The following VGLL3 variants were observed in gnomAD, a reference collection of about 807,000 sequenced individuals.
The protein encoded by VGLL3 is transcription cofactor vestigial-like protein 3.
Under a neutral mutation model 29.2 loss-of-function variants are expected in VGLL3, and 18 were observed. That is an observed-to-expected ratio of 0.62 (90% CI 0.43 to 0.91). VGLL3 has a LOEUF of 0.91. Ranked by LOEUF, VGLL3 falls within the 40% of genes least tolerant of loss-of-function variation. VGLL3 has a pLI of 0.00. For missense variants in VGLL3, 440 were observed against 413.2 expected (o/e 1.06, Z -0.56); for synonymous variants, 180 against 151.8 (o/e 1.19, Z -1.36).
At chr3:86,981,928 A>G (rs1030656999) in intron 1 of VGLL3, among the ~76,000 whole-genome samples, 4 of 152,168 alleles carry the variant, frequency 2.6e-5, no homozygotes, top group Non-Finnish European at 5.9e-5. Context: ...AAGTATCCAA[A>G]TGGCCTGATA....
At chr3:86,962,542 TA>T (rs953307641) in intron 3 of VGLL3, 26 of 980,848 alleles carry the variant, frequency 2.7e-5, no homozygotes, top group African/African-American at 2.1e-4. Context: ...ATTTAAATAC[TA>T]AAAAAAAATT....
At chr3:86,987,387 G>A (rs1705469443) in intron 1 of VGLL3, among the ~76,000 whole-genome samples, 1 of 152,182 alleles carries the variant, frequency 6.6e-6, no homozygotes, top group South Asian at 2.1e-4. Flanking sequence ...TCATCCAGCT[G>A]TTACCCTGGA....
In VGLL3 at chr3:86,946,816, G is replaced by T; in HGVS notation, c.*208C>A. 1 of 510,870 alleles carries T rather than the reference G, an allele frequency of 2.0e-6. No individual in the cohort carries two copies. The highest frequency in any genetic ancestry group is 3.3e-4 in the Middle Eastern group (1 of 3,030). 31.6% of individuals were successfully genotyped at this position (510,870 alleles called of 1,614,324 possible). A position where few individuals can be genotyped will look rare whatever the true frequency, so the allele number is the denominator to read the frequency against. On this transcript the variant is annotated 3_prime_UTR_variant, in exon 4 of 4. Coordinates refer to ENST00000398399, the MANE Select transcript of VGLL3 (RefSeq NM_016206.4). ...CACAGTTGGCAAAGGCTCAGATGAG[G>T]AAATAAACAAATAAAAATGCTTTTC... is the stretch of plus-strand genomic sequence containing the variant.
intron 1 of VGLL3, among the ~76,000 whole-genome samples, chr3:86,987,828 G>C (rs529332036): frequency 6.6e-6 from 1 of 152,142 alleles, no homozygotes; most frequent in Non-Finnish European, 1.5e-5. Flanking sequence ...AGTTAACTAG[G>C]TTTTTAAAAT....
rs191987541 is a variant in VGLL3 at position 86,959,446 on chromosome 3, G to A, written c.937+9144C>T. ...TCCCTGAGAAGAAGTGAAGTAGAAG[G>A]AAGTAAACTATTTTTAGTTGAGCAT... On this transcript the variant is annotated intron_variant, in intron 3 of 3. Transcript: ENST00000398399. 2.8e-4 allele frequency among the ~76,000 whole-genome samples: 42 copies of A among 152,226 alleles called. 1 individual carries two copies. Among genetic ancestry groups the A allele is most frequent in the Admixed American group, 4.6e-4 (7 of 15,288 alleles).
Position 86,990,787 on chromosome 3 carries a change from T to A in VGLL3, c.-44A>T. 1 of 1,265,368 alleles carries A rather than the reference T, an allele frequency of 7.9e-7. No homozygotes were observed. The highest frequency in any genetic ancestry group is 1.0e-6 in the Non-Finnish European group (1 of 1,000,838). The allele number at this position is 1,265,368 out of a possible 1,614,324, so 78.4% of individuals were successfully genotyped here. On this transcript the variant is annotated 5_prime_UTR_variant, in exon 1 of 4. The change creates a premature stop within an existing upstream ORF in the 5' untranslated region. Transcript: ENST00000398399. The stretch of plus-strand genomic sequence containing the variant: ...GGCCCCCGAGCTGCCGCCGCCGCTC[T>A]ACGCGCTGGCGCGAGGGGCGCGGGC...
rs1215697668 is a variant in VGLL3 at position 86,990,902 on chromosome 3, G to A, written c.-159C>T. 1.9e-5 allele frequency: 21 copies of A among 1,121,728 alleles called. No individual in the cohort carries two copies. Among genetic ancestry groups the A allele is most frequent in the African/African-American group, 5.0e-5 (3 of 60,358 alleles). 69.5% of individuals were successfully genotyped at this position (1,121,728 alleles called of 1,614,324 possible). ...CTCGGCGGCCTCGGGCTCCGCGCGG[G>A]GCGCGGGGTCGGGAGGGACTGGCAA... On this transcript the variant is annotated 5_prime_UTR_variant, in exon 1 of 4. Transcript: ENST00000398399.
rs188383353 is a variant in VGLL3 at position 86,951,541 on chromosome 3, G to C, written c.938-4474C>G. ...GAGAGATGTAGTGATTCAGATCATA[G>C]CACTGACTGTACATAAGAAGGCATT... is the stretch of plus-strand genomic sequence containing the variant. On this transcript the variant is annotated intron_variant, in intron 3 of 3. Coordinates refer to ENST00000398399, the MANE Select transcript of VGLL3 (RefSeq NM_016206.4). 2.7e-3 allele frequency among the ~76,000 whole-genome samples: 417 copies of C among 152,288 alleles called. 2 individuals are homozygous for C. Among genetic ancestry groups the C allele is most frequent in the African/African-American group, 9.6e-3 (398 of 41,546 alleles).
rs1704396783 is a variant in VGLL3, at chr3:86,941,492, T to C, written c.*5532A>G. 6.6e-6 allele frequency: 1 copy of C among 152,200 alleles called. No individual in the cohort carries two copies. The highest frequency in any genetic ancestry group is 2.4e-5 in the African/African-American group (1 of 41,438). The allele number at this position is 152,200 out of a possible 1,614,324, so 9.4% of individuals were successfully genotyped here. A position where few individuals can be genotyped will look rare whatever the true frequency, so the allele number is the denominator to read the frequency against. On this transcript the variant is annotated 3_prime_UTR_variant, in exon 4 of 4. Coordinates refer to ENST00000398399, the MANE Select transcript of VGLL3 (RefSeq NM_016206.4). ...ACAAATTGATGATTACTTATCCTTT[T>C]CTAAAAGGTGTCTGTTTGCTTATAC... is the stretch of plus-strand genomic sequence containing the variant.
chr3:86,959,302 C>T (rs1162445707), intron 3 of VGLL3, among the ~76,000 whole-genome samples: 3 of 152,064 alleles, frequency 2.0e-5, no homozygotes, highest in Admixed American at 6.6e-5. Context: ...ATTTTTAATA[C>T]CATTTTTAAA....
chr3:86,969,711 A>T lies in VGLL3; in HGVS notation c.404-588T>A, dbSNP rs1009200327. ...TATTTATTTATTTATTTATTTATTTATTTATTTATTTTCTGTGGAGATCTG... is the reference window on the plus strand; with the variant it reads ...TATTTATTTATTTATTTATTTATTTTTTTATTTATTTTCTGTGGAGATCTG... On this transcript the variant is annotated intron_variant, in intron 2 of 3. Transcript: ENST00000398399. Among the ~76,000 whole-genome samples the T allele has an allele frequency of 5.3e-5, 8 of 150,858 alleles. No individual in the cohort carries two copies. In the South Asian group the frequency reaches 1.2e-3, roughly 24 times the overall value.
intron 3 of VGLL3, among the ~76,000 whole-genome samples, chr3:86,968,054 C>A (rs777912071): frequency 6.6e-6 from 1 of 151,574 alleles, no homozygotes; most frequent in Non-Finnish European, 1.5e-5. Flanking sequence ...AGTCAGGGAA[C>A]GGAGGGCAGA....
At position 86,942,751 on chromosome 3, in the gene VGLL3, A is replaced by C. The variant is rs1704424918; in HGVS notation, c.*4273T>G. On this transcript the variant is annotated 3_prime_UTR_variant, in exon 4 of 4. Coordinates refer to ENST00000398399, the MANE Select transcript of VGLL3 (RefSeq NM_016206.4). The stretch of plus-strand genomic sequence containing the variant: ...AAATGACATACTAAAAAGTCAGCTA[A>C]TTAAGAAACGTACATTTATCTCCTA... 1 of 152,196 alleles carries C rather than the reference A, an allele frequency of 6.6e-6. No homozygotes were observed. Among genetic ancestry groups the C allele is most frequent in the African/African-American group, 2.4e-5 (1 of 41,464 alleles). 9.4% of individuals were successfully genotyped at this position (152,196 alleles called of 1,614,324 possible).
In VGLL3 at chr3:86,966,773, GTATATATATATATATATATATA is replaced by G. The variant is rs55986686; in HGVS notation, c.937+1795_937+1816del. Among the ~76,000 whole-genome samples, 244 of 38,006 alleles carry G rather than the reference GTATATATATATATATATATATA, an allele frequency of 6.4e-3. 2 individuals carry two copies. The highest frequency in any genetic ancestry group is 0.038 in the East Asian group (37 of 978). The allele number at this position is 38,006 out of a possible 152,430, so 24.9% of individuals were successfully genotyped here. On this transcript the variant is annotated intron_variant, in intron 3 of 3. Transcript: ENST00000398399. ...GAACTTAAAGTAATAGTGTGTGTGT[GTATATATATATATATATATATA>G]TATATATATATATATATATATATAT...
chr3:86,939,607 G>C lies in VGLL3; in HGVS notation c.*7417C>G, dbSNP rs1218382958. 1 of 153,116 alleles carries C rather than the reference G, an allele frequency of 6.5e-6. No individual in the cohort carries two copies. The highest frequency in any genetic ancestry group is 1.5e-5 in the Non-Finnish European group (1 of 68,880). 9.5% of individuals were successfully genotyped at this position (153,116 alleles called of 1,614,324 possible). On this transcript the variant is annotated 3_prime_UTR_variant, in exon 4 of 4. Coordinates refer to ENST00000398399, the MANE Select transcript of VGLL3 (RefSeq NM_016206.4). ...GCCACTGCACTCCAGCCTGACGACA[G>C]AGCAAGACTCCATCAAAACAAAACA... is the stretch of plus-strand genomic sequence containing the variant.
At chr3:86,987,186 T>C (rs762478209) in intron 1 of VGLL3, among the ~76,000 whole-genome samples, 15 of 152,164 alleles carry the variant, frequency 9.9e-5, no homozygotes, top group Non-Finnish European at 1.9e-4. Flanking sequence ...TTCTCACTTG[T>C]AAAAAGAAGA....
chr3:86,956,600 C>A (rs180755016), intron 3 of VGLL3, among the ~76,000 whole-genome samples: 4 of 152,136 alleles, frequency 2.6e-5, no homozygotes, highest in East Asian at 3.9e-4. Context: ...TCCTGGCTAG[C>A]ACGGTGAAAC....
At chr3:86,964,615 C>T (rs1050528400) in intron 3 of VGLL3, among the ~76,000 whole-genome samples, 10 of 152,248 alleles carry the variant, frequency 6.6e-5, no homozygotes, top group Middle Eastern at 3.4e-3. Flanking sequence ...TCATGAATGG[C>T]ATTAGTGCCC....
intron 1 of VGLL3, among the ~76,000 whole-genome samples, chr3:86,984,286 C>A (rs1479121685): frequency 6.6e-6 from 1 of 152,156 alleles, no homozygotes; most frequent in East Asian, 1.9e-4. Context: ...AATCACACCT[C>A]AGGATTCTGT....
Sources: allele counts gnomAD v4.1 joint callset (sites outside exome capture counted in the v4.1 genomes callset), GRCh38; gene constraint gnomAD v4.1.1; transcripts MANE v1.5; gene names NCBI Gene and HGNC (gene_info 2026-07-23, HGNC 2026-07-21).